The following KCNMA1 variants were observed in gnomAD, a reference collection of about 807,000 sequenced individuals.
KCNMA1 encodes the protein Calcium-activated potassium channel subunit alpha-1.
KCNMA1 carries 29 observed loss-of-function variants against 140.0 expected under a neutral mutation model. That is an observed-to-expected ratio of 0.21 (90% CI 0.15 to 0.28). KCNMA1 has a LOEUF of 0.28. Among genes scored for constraint, KCNMA1 ranks in the 10% least tolerant of loss-of-function variants. The pLI, the probability that KCNMA1 is intolerant of heterozygous loss-of-function variation, is 1.00. For synonymous variants in KCNMA1, 612 were observed against 611.9 expected (o/e 1.00, Z 0.00); for missense variants, 880 against 1,602.2 (o/e 0.55, Z 7.70).
chr10:77,153,093 A>G (rs574141850), intron 5 of KCNMA1, among the ~76,000 whole-genome samples: 3 of 152,322 alleles, frequency 2.0e-5, no homozygotes, highest in South Asian at 2.1e-4. Context: ...GCACATTAGC[A>G]TATGGAAGGC....
intron 1 of KCNMA1, among the ~76,000 whole-genome samples, chr10:77,435,333 A>G (rs1395259425): frequency 1.3e-5 from 2 of 152,238 alleles, no homozygotes; most frequent in Non-Finnish European, 2.9e-5. Flanking sequence ...CAAAATAAAC[A>G]AAATAGAAGA....
intron 19 of KCNMA1, among the ~76,000 whole-genome samples, chr10:76,987,077 T>G (rs1472243443): frequency 6.9e-6 from 1 of 144,344 alleles, no homozygotes; most frequent in African/African-American, 2.6e-5. Flanking sequence ...TTTTTTTTTT[T>G]GCCTCTGGTT....
At chr10:77,079,369 AGTGTGTGTGT>A (rs68133946) in intron 13 of KCNMA1, 102 bp downstream of exon 13, 19 of 662,438 alleles carry the variant, frequency 2.9e-5, no homozygotes, top group Admixed American at 8.5e-5. Context: ...GGCATGTGAG[AGTGTGTGTGT>A]GTGTGTGTGT....
At chr10:77,487,623 T>C (rs988879701) in intron 1 of KCNMA1, among the ~76,000 whole-genome samples, 2 of 152,218 alleles carry the variant, frequency 1.3e-5, no homozygotes, top group African/African-American at 4.8e-5. Context: ...ATTCTCTCAC[T>C]GTACTGTGAG....
chr10:77,022,303 A>G (rs2092951421), intron 16 of KCNMA1, among the ~76,000 whole-genome samples: 1 of 152,192 alleles, frequency 6.6e-6, no homozygotes. Flanking sequence ...AATCAGGAAA[A>G]TCTCTAAGAG....
At chr10:77,450,472 A>G (rs1259508523) in intron 1 of KCNMA1, among the ~76,000 whole-genome samples, 1 of 152,228 alleles carries the variant, frequency 6.6e-6, no homozygotes, top group African/African-American at 2.4e-5. Flanking sequence ...ACATTTCATT[A>G]TATAATAATA....
intron 1 of KCNMA1, among the ~76,000 whole-genome samples, chr10:77,508,904 G>A (rs2047271094): frequency 1.3e-5 from 2 of 152,110 alleles, no homozygotes; most frequent in Non-Finnish European, 2.9e-5. Flanking sequence ...ACAGTATTGT[G>A]TTTTGTCTTT....
Position 77,227,945 on chromosome 10 carries a change from A to G in KCNMA1, c.602+23250T>C, listed in dbSNP as rs185755237. Among the ~76,000 whole-genome samples the G allele has an allele frequency of 2.5e-3, 377 of 150,558 alleles. 3 individuals carry two copies. The highest frequency in any genetic ancestry group is 8.8e-3 in the African/African-American group (360 of 40,898). ...TTACAAGGGCCACAGCGCCTGCCAA[A>G]AAGCAAGCATTTAATTTAATTTTTT... On this transcript the variant is annotated intron_variant, in intron 3 of 27. Coordinates refer to ENST00000286628, the MANE Select transcript of KCNMA1 (RefSeq NM_001161352.2).
intron 1 of KCNMA1, among the ~76,000 whole-genome samples, chr10:77,443,825 A>G (rs545724391): frequency 6.6e-6 from 1 of 152,356 alleles, no homozygotes; most frequent in African/African-American, 2.4e-5. Flanking sequence ...TATCTTCTGC[A>G]GAAATAAGAC....
chr10:77,497,244 G>A (rs1603629798), intron 1 of KCNMA1, among the ~76,000 whole-genome samples: 1 of 152,136 alleles, frequency 6.6e-6, no homozygotes, highest in Non-Finnish European at 1.5e-5. Flanking sequence ...AGTCCAATGG[G>A]GACTCCCTAA....
intron 3 of KCNMA1, among the ~76,000 whole-genome samples, chr10:77,232,373 C>G (rs956212955): frequency 6.6e-6 from 1 of 152,182 alleles, no homozygotes; most frequent in African/African-American, 2.4e-5. Flanking sequence ...ACATCATCCC[C>G]ACGAGCAGCC....
At chr10:77,187,535 G>A (rs916111806) in intron 3 of KCNMA1, among the ~76,000 whole-genome samples, 16 of 152,282 alleles carry the variant, frequency 1.1e-4, no homozygotes, top group Middle Eastern at 3.4e-3. Context: ...CATTCCTTGC[G>A]TACTAGACTT....
intron 1 of KCNMA1, among the ~76,000 whole-genome samples, chr10:77,447,733 G>C (rs16934797): frequency 0.048 from 7,350 of 152,248 alleles, 225 homozygotes; most frequent in Middle Eastern, 0.085. Flanking sequence ...TGGTACCTCT[G>C]TGTCCATCCT....
chr10:77,184,703 C>T (rs986104691), intron 4 of KCNMA1, 120 bp downstream of exon 4: 15 of 746,452 alleles, frequency 2.0e-5, no homozygotes, highest in South Asian at 9.9e-5. Flanking sequence ...AATCAGAATG[C>T]GGGTGCGCTG....
At chr10:77,555,600 A>C (rs1004098101) in intron 1 of KCNMA1, among the ~76,000 whole-genome samples, 1 of 152,216 alleles carries the variant, frequency 6.6e-6, no homozygotes, top group Non-Finnish European at 1.5e-5. Context: ...AGAGCTTCTC[A>C]CAGCTTTAAA....
intron 19 of KCNMA1, among the ~76,000 whole-genome samples, chr10:76,983,387 G>C (rs2153233192): frequency 6.6e-6 from 1 of 152,262 alleles, no homozygotes; most frequent in Non-Finnish European, 1.5e-5. Flanking sequence ...TATTCAAAGA[G>C]TAAAATACTG....
chr10:76,973,897 CT>C (rs2076781888), intron 19 of KCNMA1: 1 of 152,206 alleles, frequency 6.6e-6, no homozygotes, highest in Non-Finnish European at 1.5e-5. Flanking sequence ...CTAATTCAGT[CT>C]AATGCCTGCA....
chr10:77,231,482 G>A (rs1249153414), intron 3 of KCNMA1, among the ~76,000 whole-genome samples: 5 of 152,170 alleles, frequency 3.3e-5, no homozygotes, highest in African/African-American at 4.8e-5. Flanking sequence ...CCAACTCTCC[G>A]ATAAGCTTCT....
Position 77,409,438 on chromosome 10 carries a change from T to C in KCNMA1, c.379-5415A>G, listed in dbSNP as rs2096570073. Among the ~76,000 whole-genome samples, 3 of 152,120 alleles carry C rather than the reference T, an allele frequency of 2.0e-5. No individual in the cohort carries two copies. The East Asian group carries it at 5.8e-4, about 29-fold the overall frequency. On this transcript the variant is annotated intron_variant, in intron 1 of 27. Transcript: ENST00000286628. ...GGGCCAGGAAGCAAGCCCCAGTTGC[T>C]CTGTTTCCCTTATCTCTTGTTGCCT...
Sources: allele counts gnomAD v4.1 joint callset (sites outside exome capture counted in the v4.1 genomes callset), GRCh38; gene constraint gnomAD v4.1.1; transcripts MANE v1.5; gene names NCBI Gene and HGNC (gene_info 2026-07-23, HGNC 2026-07-21).